Variants in DHX9 observed in about 807,000 individuals in gnomAD.
DHX9 encodes ATP-dependent RNA helicase A.
Under a neutral mutation model 148.7 loss-of-function variants are expected in DHX9, and 27 were observed. That is an observed-to-expected ratio of 0.18 (90% CI 0.13 to 0.25). The LOEUF (loss-of-function observed/expected upper bound fraction) is 0.25, where lower values mean the gene tolerates loss of function less well. Among genes scored for constraint, DHX9 ranks in the 10% least tolerant of loss-of-function variants. DHX9 has a pLI of 1.00. For synonymous variants in DHX9, 529 were observed against 516.6 expected (o/e 1.02, Z -0.33); for missense variants, 796 against 1,559.6 (o/e 0.51, Z 8.25).
At chr1:182,860,557 GTTCTA>G (rs1324086015) in intron 12 of DHX9, among the ~76,000 whole-genome samples, 10 of 152,182 alleles carry the variant, frequency 6.6e-5, no homozygotes, top group Admixed American at 6.5e-4. Context: ...TGTATGCCAT[GTTCTA>G]TTCTAAGCAG....
At chr1:182,858,441 G>T in intron 8 of DHX9, 110 bp from the exon 9 acceptor site, 3 of 1,128,146 alleles carry the variant, frequency 2.7e-6, no homozygotes, top group Non-Finnish European at 3.8e-6. Context: ...TCACAAAAGG[G>T]AACTGACTAT....
intron 27 of DHX9, among the ~76,000 whole-genome samples, chr1:182,886,358 G>A (rs1649332199): frequency 6.6e-6 from 1 of 151,832 alleles, no homozygotes; most frequent in Non-Finnish European, 1.5e-5. Flanking sequence ...GCCACGCCCA[G>A]CTAATTTTTG....
Position 182,863,793 on chromosome 1 carries a change from A to ATTT in DHX9, c.1333-2641_1333-2639dup, listed in dbSNP as rs61680747. On this transcript the variant is annotated intron_variant, in intron 12 of 27. Coordinates refer to ENST00000367549, the MANE Select transcript of DHX9 (RefSeq NM_001357.5). ...TGAGCTAAGAATTAAGAATTAGAAG[A>ATTT]TTTTTTTTTTTTACTGCTTTTGGTG... is the stretch of plus-strand genomic sequence containing the variant. Among the ~76,000 whole-genome samples the ATTT allele has an allele frequency of 2.2e-3, 323 of 148,446 alleles. 2 individuals carry two copies. The highest frequency in any genetic ancestry group is 7.7e-3 in the African/African-American group (313 of 40,844).
intron 14 of DHX9, among the ~76,000 whole-genome samples, chr1:182,867,549 C>A (rs1288421291): frequency 6.6e-6 from 1 of 152,092 alleles, no homozygotes; most frequent in Admixed American, 6.6e-5. Context: ...ACTGCAGGTG[C>A]CCACCACCAT....
rs149012804 is a variant in DHX9, at chr1:182,844,194, C to T, written c.252+760C>T. Among the ~76,000 whole-genome samples, 278 of 152,292 alleles carry T rather than the reference C, an allele frequency of 1.8e-3. 1 individual carries two copies. Among genetic ancestry groups the T allele is most frequent in the African/African-American group, 6.4e-3 (266 of 41,564 alleles). On this transcript the variant is annotated intron_variant, in intron 3 of 27. Coordinates refer to ENST00000367549, the MANE Select transcript of DHX9 (RefSeq NM_001357.5). ...AACTCCTGACCTCAAGTGATCCATC[C>T]ACCCACTTCCGTCTTCCAAAGTGCT...
chr1:182,866,844 T>C (rs1238971808), intron 13 of DHX9, 117 bp from the exon 14 acceptor site: 4 of 832,896 alleles, frequency 4.8e-6, no homozygotes, highest in Non-Finnish European at 5.7e-6. Context: ...AGTTTAAATG[T>C]ACATGTGATT....
Position 182,887,420 on chromosome 1 carries a change from G to A in DHX9, c.3799G>A (p.Gly1267Ser), listed in dbSNP as rs1649384514. ...GTGYFGQGRG[G>S]GGY ...TGGCTACTTTGGACAGGGAAGAGGA[G>A]GTGGCGGCTATTAAAACTTGGTTAT... Residue 1267 changes from glycine to serine, a missense_variant, in exon 28 of 28, where the codon GGT (glycine) becomes AGT (serine). Around this residue, in one of 14 missense-constraint regions of DHX9, gnomAD observed 98 missense variants for 105.5 expected, o/e 0.93. Coordinates refer to ENST00000367549, the MANE Select transcript of DHX9 (RefSeq NM_001357.5). 1 of 1,612,966 alleles carries A rather than the reference G, an allele frequency of 6.2e-7. No individual in the cohort carries two copies. The highest frequency in any genetic ancestry group is 8.5e-7 in the Non-Finnish European group (1 of 1,179,368).
intron 22 of DHX9, 26 bp from the exon 23 acceptor site, chr1:182,881,238 G>T: frequency 6.2e-7 from 1 of 1,605,104 alleles, no homozygotes; most frequent in South Asian, 1.1e-5. Flanking sequence ...ATCTAGTCTG[G>T]ATTTAACTGT....
intron 14 of DHX9, 23 bp from the exon 15 acceptor site, chr1:182,872,314 A>G (rs1648585605): frequency 6.3e-7 from 1 of 1,590,212 alleles, no homozygotes; most frequent in African/African-American, 1.4e-5. Context: ...AATTTCAAAA[A>G]TTTTGTGTTT....
In DHX9 at chr1:182,876,217, T is replaced by C. The variant is rs761471619; in HGVS notation, c.1983T>C (p.Asn661=). The change falls in exon 17 of 28, where the codon AAT becomes AAC. Residue 661 remains asparagine, a synonymous_variant. Transcript: ENST00000367549. ...TGTTGGTTTTTTTGCCTGGCTGGAA[T>C]CTGATTTATACTATGCAGAAGCATT... ...GAVLVFLPGW[N]LIYTMQKHLE... 7 of 1,614,008 alleles carry C rather than the reference T, an allele frequency of 4.3e-6. No individual in the cohort carries two copies. Among genetic ancestry groups the C allele is most frequent in the Non-Finnish European group, 5.9e-6 (7 of 1,179,898 alleles).
intron 12 of DHX9, among the ~76,000 whole-genome samples, chr1:182,864,800 TTAAAACCTC>T (rs1488223817): frequency 6.6e-6 from 1 of 152,204 alleles, no homozygotes; most frequent in African/African-American, 2.4e-5. Flanking sequence ...GTATTAGTAT[TTAAAACCTC>T]TATCATGTCT....
chr1:182,882,903 T>C (rs1052328611), intron 24 of DHX9, among the ~76,000 whole-genome samples: 12 of 151,882 alleles, frequency 7.9e-5, no homozygotes, highest in Admixed American at 6.6e-5. Context: ...AGCTTATTTA[T>C]GGTTGAGTCT....
At chr1:182,866,317 A>G (rs767997624) in intron 12 of DHX9, 127 bp from the exon 13 acceptor site, 9 of 948,036 alleles carry the variant, frequency 9.5e-6, no homozygotes, top group Non-Finnish European at 1.2e-5. Flanking sequence ...TTTTTTGTAC[A>G]TTTATTGTTT....
intron 3 of DHX9, among the ~76,000 whole-genome samples, chr1:182,848,972 A>G (rs939271093): frequency 2.0e-5 from 3 of 152,248 alleles, no homozygotes; most frequent in Non-Finnish European, 4.4e-5. Flanking sequence ...ACCATGCATG[A>G]GAAACCCACC....
At chr1:182,851,005 T>G (rs1272269167) in intron 3 of DHX9, among the ~76,000 whole-genome samples, 1 of 152,274 alleles carries the variant, frequency 6.6e-6, no homozygotes, top group East Asian at 1.9e-4. Context: ...TTTGAGGTCC[T>G]GGAGTGGCAA....
intron 8 of DHX9, 47 bp from the exon 9 acceptor site, chr1:182,858,504 A>G (rs765413155): frequency 2.4e-5 from 35 of 1,480,688 alleles, no homozygotes; most frequent in Non-Finnish European, 3.3e-5. Flanking sequence ...TAGCCCCATT[A>G]TAGTAGATTT....
Position 182,854,170 on chromosome 1 carries a change from T to A in DHX9, c.618T>A (p.Asp206Glu). 6.2e-7 allele frequency: 1 copy of A among 1,608,240 alleles called. No individual in the cohort carries two copies. The highest frequency in any genetic ancestry group is 8.5e-7 in the Non-Finnish European group (1 of 1,177,228). Reference sequence around the variant, plus strand: ...ATAAGTACACCCAAGTGGGTCCTGATCACAACAGGTTTGCTTGTTTCATTC... The same window carrying A: ...ATAAGTACACCCAAGTGGGTCCTGAACACAACAGGTTTGCTTGTTTCATTC... Reference protein sequence around the residue: ...GEYKYTQVGPDHNRSFIAEMT... With the variant: ...GEYKYTQVGPEHNRSFIAEMT... Residue 206 changes from aspartate to glutamate, a missense_variant, in exon 6 of 28, where the codon GAT (aspartate) becomes GAA (glutamate). Physicochemically the swap from Asp to Glu is conservative, Grantham distance 45 (BLOSUM62 2). Coordinates refer to ENST00000367549, the MANE Select transcript of DHX9 (RefSeq NM_001357.5).
At chr1:182,867,603 A>C (rs1648360394) in intron 14 of DHX9, among the ~76,000 whole-genome samples, 2 of 152,164 alleles carry the variant, frequency 1.3e-5, no homozygotes, top group Non-Finnish European at 2.9e-5. Flanking sequence ...GGGTTTCATC[A>C]TGATGGTCAG....
chr1:182,872,645 C>T (rs2102613169), intron 15 of DHX9, 152 bp downstream of exon 15: 1 of 892,936 alleles, frequency 1.1e-6, no homozygotes, highest in Non-Finnish European at 1.7e-6. Flanking sequence ...AGGAGTTTCT[C>T]TTCTGTTATT....
Sources: allele counts gnomAD v4.1 joint callset (sites outside exome capture counted in the v4.1 genomes callset), GRCh38; gene constraint gnomAD v4.1.1; regional missense constraint gnomAD v4.1.1; transcripts MANE v1.5; gene names NCBI Gene and HGNC (gene_info 2026-07-23, HGNC 2026-07-21).